Variants in ZCCHC7 observed in about 807,000 individuals in gnomAD.
The protein encoded by ZCCHC7 is zinc finger CCHC domain-containing protein 7.
In ZCCHC7, 35 loss-of-function variants were observed where a neutral mutation model predicts 52.0. The ratio of observed to expected loss-of-function variants is 0.67; its 90% confidence interval spans 0.51 to 0.89. ZCCHC7 has a LOEUF of 0.89. Among genes scored for constraint, ZCCHC7 ranks in the 40% least tolerant of loss-of-function variants. The probability of loss-of-function intolerance (pLI) is 0.00; values close to 1 mark genes in which losing one functional copy is unlikely to be tolerated. For missense variants in ZCCHC7, 574 were observed against 649.1 expected (o/e 0.88, Z 1.26); for synonymous variants, 217 against 221.5 (o/e 0.98, Z 0.18).
At chr9:37,272,373 G>C (rs2133512638) in intron 2 of ZCCHC7, among the ~76,000 whole-genome samples, 1 of 151,366 alleles carries the variant, frequency 6.6e-6, no homozygotes, top group East Asian at 1.9e-4. Context: ...CCTATGAGTT[G>C]GGGAATTGGT....
Position 37,126,434 on chromosome 9 carries a change from A to G in ZCCHC7, c.102A>G (p.Gln34=), listed in dbSNP as rs184041561. 43 of 1,613,828 alleles carry G rather than the reference A, an allele frequency of 2.7e-5. No homozygotes were observed. Among genetic ancestry groups the G allele is most frequent in the Non-Finnish European group, 3.4e-5 (40 of 1,180,006 alleles). Residue 34 remains glutamine, a synonymous_variant, in exon 2 of 9, where the codon CAA becomes CAG. Coordinates refer to ENST00000336755, the MANE Select transcript of ZCCHC7 (RefSeq NM_032226.3). ...ELSVDSEVEF[Q]LYSQIHYAQD... ...GTGTTGATAGTGAGGTGGAATTTCAACTCTATAGCCAAATTCATTATGCCC... is the reference window on the plus strand; with the variant it reads ...GTGTTGATAGTGAGGTGGAATTTCAGCTCTATAGCCAAATTCATTATGCCC...
intron 2 of ZCCHC7, among the ~76,000 whole-genome samples, chr9:37,261,529 T>G (rs1826865982): frequency 1.3e-5 from 2 of 152,164 alleles, no homozygotes; most frequent in African/African-American, 4.8e-5. Flanking sequence ...CAAAAATAAG[T>G]TGTGGTGAGC....
chr9:37,271,530 A>G (rs1480389841), intron 2 of ZCCHC7, among the ~76,000 whole-genome samples: 4 of 152,184 alleles, frequency 2.6e-5, no homozygotes, highest in Non-Finnish European at 5.9e-5. Flanking sequence ...AATATATGAT[A>G]TTGTATTATG....
intron 2 of ZCCHC7, among the ~76,000 whole-genome samples, chr9:37,130,787 C>T (rs1014291120): frequency 9.2e-5 from 14 of 151,602 alleles, no homozygotes; most frequent in African/African-American, 2.9e-4. Context: ...TGAGCCACTG[C>T]GTCTGGCCAG....
intron 2 of ZCCHC7, among the ~76,000 whole-genome samples, chr9:37,294,021 C>T (rs1828663563): frequency 6.6e-6 from 1 of 152,102 alleles, no homozygotes; most frequent in South Asian, 2.1e-4. Context: ...GCTTTACTTG[C>T]AAATTCTGCT....
intron 2 of ZCCHC7, among the ~76,000 whole-genome samples, chr9:37,254,901 A>G (rs1297424862): frequency 7.6e-6 from 1 of 132,330 alleles, no homozygotes; most frequent in Non-Finnish European, 1.5e-5. Context: ...AATCTGTAAC[A>G]TATGGTATGC....
At chr9:37,270,585 G>C (rs1231829538) in intron 2 of ZCCHC7, among the ~76,000 whole-genome samples, 5 of 151,822 alleles carry the variant, frequency 3.3e-5, no homozygotes, top group Non-Finnish European at 5.9e-5. Context: ...GGGAGGCTGA[G>C]GCAGGAGAAT....
At chr9:37,164,498 T>TAGATAGATAGACAGAC (rs755789110) in intron 2 of ZCCHC7, among the ~76,000 whole-genome samples, 51 of 134,998 alleles carry the variant, frequency 3.8e-4, no homozygotes, top group South Asian at 1.7e-3. Flanking sequence ...GATAGATAGA[T>TAGATAGATAGACAGAC]AGACAGACAA....
At chr9:37,289,360 C>A (rs190817419) in intron 2 of ZCCHC7, among the ~76,000 whole-genome samples, 1 of 151,852 alleles carries the variant, frequency 6.6e-6, no homozygotes, top group East Asian at 1.9e-4. Context: ...CATGTTGGCC[C>A]GGCTGGTCTC....
intron 2 of ZCCHC7, among the ~76,000 whole-genome samples, chr9:37,208,084 C>A (rs1012624763): frequency 1.3e-5 from 2 of 151,942 alleles, no homozygotes; most frequent in Non-Finnish European, 2.9e-5. Flanking sequence ...TTTTTTGTTA[C>A]GGCTTCTGCT....
At chr9:37,279,410 TAAAA>T (rs200565840) in intron 2 of ZCCHC7, among the ~76,000 whole-genome samples, 1 of 146,872 alleles carries the variant, frequency 6.8e-6, no homozygotes, top group African/African-American at 2.5e-5. Context: ...AACAGACACT[TAAAA>T]AAAAAAGACA....
At chr9:37,283,079 G>A (rs1289673215) in intron 2 of ZCCHC7, among the ~76,000 whole-genome samples, 1 of 151,792 alleles carries the variant, frequency 6.6e-6, no homozygotes, top group Non-Finnish European at 1.5e-5. Flanking sequence ...CTTTTCTGTT[G>A]TTTTTATACC....
intron 6 of ZCCHC7, among the ~76,000 whole-genome samples, chr9:37,330,571 TAAC>T (rs930051722): frequency 6.6e-6 from 1 of 151,692 alleles, no homozygotes; most frequent in Non-Finnish European, 1.5e-5. Context: ...TGTTTTTACT[TAAC>T]AAGTACATAA....
intron 2 of ZCCHC7, among the ~76,000 whole-genome samples, chr9:37,232,439 T>C (rs1825452865): frequency 6.6e-6 from 1 of 152,186 alleles, no homozygotes; most frequent in African/African-American, 2.4e-5. Context: ...GGCCTAAGCA[T>C]CTGGGTGTGT....
rs569976018 is a variant in ZCCHC7 at position 37,271,816 on chromosome 9, C to T, written c.611-30372C>T. On this transcript the variant is annotated intron_variant, in intron 2 of 8. Coordinates refer to ENST00000336755, the MANE Select transcript of ZCCHC7 (RefSeq NM_032226.3). The stretch of plus-strand genomic sequence containing the variant: ...AACTCCTGACCCCAAGTGATCTGCC[C>T]GCCTCAGCCTCCCAAATTGCTGGGA... Among the ~76,000 whole-genome samples, 31 of 152,270 alleles carry T rather than the reference C, an allele frequency of 2.0e-4. No individual in the cohort carries two copies. In the South Asian group the frequency reaches 6.2e-3, roughly 31 times the overall value.
At position 37,357,244 on chromosome 9, in the gene ZCCHC7, T is replaced by A; in HGVS notation, c.1608T>A (p.Ile536=). The A allele has an allele frequency of 6.3e-7, 1 of 1,597,202 alleles. No individual in the cohort carries two copies. The highest frequency in any genetic ancestry group is 1.8e-5 in the Admixed American group (1 of 55,388). Residue 536 remains isoleucine (I), a synonymous_variant, in exon 9 of 9, where the codon ATT becomes ATA. Coordinates refer to ENST00000336755, the MANE Select transcript of ZCCHC7 (RefSeq NM_032226.3). The stretch of plus-strand genomic sequence containing the variant: ...ATGACAATGATAACTTATTTCTTAT[T>A]AAGCAGAGAAAAAAAAAGTCTTAAG... ...EDDDNDNLFL[I]KQRKKKS is the part of the protein sequence containing the mutation.
intron 2 of ZCCHC7, among the ~76,000 whole-genome samples, chr9:37,214,012 G>A (rs1190098460): frequency 2.6e-5 from 4 of 151,932 alleles, no homozygotes; most frequent in African/African-American, 9.7e-5. Context: ...ATGTGTGTGT[G>A]TGTGTGTGTA....
intron 2 of ZCCHC7, among the ~76,000 whole-genome samples, chr9:37,153,414 G>A (rs577562225): frequency 2.0e-4 from 30 of 151,892 alleles, no homozygotes; most frequent in African/African-American, 6.8e-4. Context: ...CAGGTGATCC[G>A]CCAGTCTCAG....
chr9:37,255,578 CTG>C (rs747491848), intron 2 of ZCCHC7, among the ~76,000 whole-genome samples: 3 of 152,066 alleles, frequency 2.0e-5, no homozygotes, highest in Non-Finnish European at 4.4e-5. Context: ...GTAACTGAAA[CTG>C]TGGAACATGA....
Sources: gnomAD v4.1 joint callset for allele counts (sites outside exome capture counted in the v4.1 genomes callset) on GRCh38, gnomAD v4.1.1 for gene constraint, MANE v1.5 for transcripts, NCBI Gene and HGNC (gene_info 2026-07-23, HGNC 2026-07-21) for gene names.